Variants in ZWILCH observed in about 807,000 individuals in gnomAD.
ZWILCH encodes the protein protein zwilch homolog.
ZWILCH carries 74 observed loss-of-function variants against 79.9 expected under a neutral mutation model. The ratio of observed to expected loss-of-function variants is 0.93; its 90% CI spans 0.77 to 1.12. ZWILCH has a LOEUF of 1.12. Among genes scored for constraint, ZWILCH ranks in the 50% most tolerant of loss-of-function variants. The pLI, the probability that ZWILCH is intolerant of heterozygous loss-of-function variation, is 0.00. For missense variants in ZWILCH, 694 were observed against 687.5 expected, an observed-to-expected ratio of 1.01 and a Z score of -0.11; for synonymous variants, 241 against 228.2, an observed-to-expected ratio of 1.06 and a Z score of -0.51.
chr15:66,514,309 T>TA, intron 3 of ZWILCH: 3 of 253,020 alleles, frequency 1.2e-5, no homozygotes, highest in Non-Finnish European at 2.2e-5. Context: ...TTCACTTATT[T>TA]CTTTTTTTTT....
At chr15:66,513,537 A>G (rs113271203) in intron 2 of ZWILCH, among the ~76,000 whole-genome samples, 1,959 of 150,350 alleles carry the variant, frequency 0.013, 35 homozygotes, top group African/African-American at 0.045. Context: ...ATGAATAGCC[A>G]TTGCACTCCA....
intron 17 of ZWILCH, among the ~76,000 whole-genome samples, chr15:66,545,670 C>A (rs1029930201): frequency 2.0e-5 from 3 of 152,134 alleles, no homozygotes; most frequent in Non-Finnish European, 4.4e-5. Context: ...CTCTTGTAGC[C>A]ATCATATATT....
chr15:66,540,175 G>A lies in ZWILCH; in HGVS notation c.1652G>A (p.Ser551Asn). 6.2e-7 allele frequency: 1 copy of A among 1,613,372 alleles called. No homozygotes were observed. Among genetic ancestry groups the A allele is most frequent in the African/African-American group, 1.3e-5 (1 of 75,018 alleles). The change falls in exon 17 of 19, where the codon AGC becomes AAC. Residue 551 changes from serine (S) to asparagine (N), a missense_variant. Coordinates refer to ENST00000307897, the MANE Select transcript of ZWILCH (RefSeq NM_017975.5). The stretch of plus-strand genomic sequence containing the variant: ...AAGACAGTTTGGCAACTGAGTGACA[G>A]CTCACCCATAGACCATCTGAATTTT... ...KIKTVWQLSD[S>N]SPIDHLNFHK...
At chr15:66,524,443 C>G (rs1305609714) in intron 8 of ZWILCH, 1 of 152,204 alleles carries the variant, frequency 6.6e-6, no homozygotes, top group East Asian at 1.9e-4. Context: ...GAACCCCCAA[C>G]CCTCATCATA....
chr15:66,510,844 C>T (rs914379732), intron 2 of ZWILCH, among the ~76,000 whole-genome samples: 1 of 152,144 alleles, frequency 6.6e-6, no homozygotes, highest in Admixed American at 6.5e-5. Flanking sequence ...ACGTGGTATT[C>T]CCCCTGCGTG....
rs1187816986 is a variant in ZWILCH at position 66,546,661 on chromosome 15, C to T, written c.1758C>T (p.Ser586=). The change falls in exon 18 of 19, where the codon AGC becomes AGT. Residue 586 remains serine (S), a synonymous_variant. Transcript: ENST00000307897. ...RIFFTNMVTC[S]QVHFK ...TCTTTACTAACATGGTTACCTGCAG[C>T]CAGGTGCATTTCAAGTGAAGTGTGC... 1 of 1,607,378 alleles carries T rather than the reference C, an allele frequency of 6.2e-7. No individual in the cohort carries two copies. Among genetic ancestry groups the T allele is most frequent in the Non-Finnish European group, 8.5e-7 (1 of 1,176,816 alleles).
At chr15:66,537,116 G>T (rs914159188) in intron 15 of ZWILCH, 52 bp from the exon 16 acceptor site, 4 of 1,448,560 alleles carry the variant, frequency 2.8e-6, no homozygotes, top group Non-Finnish European at 3.8e-6. Flanking sequence ...CCAGAAAAAC[G>T]TTATGTCAAA....
At chr15:66,539,469 C>T (rs1895125663) in intron 16 of ZWILCH, among the ~76,000 whole-genome samples, 1 of 151,502 alleles carries the variant, frequency 6.6e-6, no homozygotes, top group Admixed American at 6.6e-5. Flanking sequence ...GAATTTGTCC[C>T]CTTCTCTACA....
chr15:66,532,277 A>G lies in ZWILCH; in HGVS notation c.1186A>G (p.Lys396Glu). ...TAGTGGAAGTAACAGTTTACTAAGT[A>G]AGCTCATTCATCAGTCTTATCATGG... ...LHSGSNSLLSKLIHQSYHGTM... is the reference protein window; with the variant it reads ...LHSGSNSLLSELIHQSYHGTM... The change falls in exon 13 of 19, where the codon AAG (lysine) becomes GAG (glutamate). Residue 396 changes from lysine (K) to glutamate (E), a missense_variant. Transcript: ENST00000307897. The G allele has an allele frequency of 6.2e-7, 1 of 1,603,360 alleles. No homozygotes were observed. Among genetic ancestry groups the G allele is most frequent in the Non-Finnish European group, 8.5e-7 (1 of 1,175,736 alleles).
chr15:66,524,666 A>T (rs1395349390), intron 8 of ZWILCH: 1 of 152,172 alleles, frequency 6.6e-6, no homozygotes, highest in Non-Finnish European at 1.5e-5. Flanking sequence ...TTGTTTACTT[A>T]TCTGTCTCCT....
chr15:66,535,349 G>A (rs1195394573), intron 14 of ZWILCH, among the ~76,000 whole-genome samples: 2 of 152,242 alleles, frequency 1.3e-5, no homozygotes, highest in South Asian at 2.1e-4. Flanking sequence ...CACTACTGGC[G>A]AGAGGGATTT....
At chr15:66,513,449 C>G (rs1283734391) in intron 2 of ZWILCH, among the ~76,000 whole-genome samples, 1 of 151,928 alleles carries the variant, frequency 6.6e-6, no homozygotes, top group East Asian at 2.0e-4. Context: ...ACCTGAAGTT[C>G]CAGCTACTGG....
chr15:66,529,606 T>C (rs1366567407), intron 12 of ZWILCH, 33 bp downstream of exon 12: 3 of 1,518,146 alleles, frequency 2.0e-6, no homozygotes, highest in Non-Finnish European at 1.8e-6. Flanking sequence ...GATCATTTTC[T>C]CAGCAGCATA....
intron 15 of ZWILCH, 61 bp from the exon 16 acceptor site, chr15:66,537,107 C>A (rs1895038317): frequency 7.4e-7 from 1 of 1,352,270 alleles, no homozygotes; most frequent in Non-Finnish European, 1.0e-6. Context: ...TTTAGACTAC[C>A]AGAAAAACGT....
At chr15:66,507,596 C>T (rs34238168) in intron 1 of ZWILCH, among the ~76,000 whole-genome samples, 1,968 of 152,284 alleles carry the variant, frequency 0.013, 35 homozygotes, top group African/African-American at 0.045. Context: ...TGAGCACTTA[C>T]CACCATGGAA....
At chr15:66,547,817 TTCTC>T (rs1239113186) in intron 18 of ZWILCH, 1 of 152,136 alleles carries the variant, frequency 6.6e-6, no homozygotes, top group Non-Finnish European at 1.5e-5. Flanking sequence ...AACGGAGTCT[TTCTC>T]TGTTGCACAG....
At chr15:66,539,326 G>T (rs928868274) in intron 16 of ZWILCH, among the ~76,000 whole-genome samples, 1 of 149,248 alleles carries the variant, frequency 6.7e-6, no homozygotes, top group Non-Finnish European at 1.5e-5. Flanking sequence ...ATTTCCTAAG[G>T]CCTGGAGGTC....
intron 16 of ZWILCH, among the ~76,000 whole-genome samples, chr15:66,538,858 A>G (rs1002498288): frequency 4.6e-5 from 7 of 152,184 alleles, no homozygotes; most frequent in African/African-American, 1.7e-4. Context: ...ACTTTTCACC[A>G]GAACTCTACC....
At chr15:66,538,799 A>G (rs1359115813) in intron 16 of ZWILCH, among the ~76,000 whole-genome samples, 1 of 152,166 alleles carries the variant, frequency 6.6e-6, no homozygotes, top group Admixed American at 6.5e-5. Context: ...TCTCTGGCCC[A>G]TCTGAAAGGC....
Sources: gnomAD v4.1 joint callset for allele counts (sites outside exome capture counted in the v4.1 genomes callset) on GRCh38, gnomAD v4.1.1 for gene constraint, MANE v1.5 for transcripts, NCBI Gene and HGNC (gene_info 2026-07-23, HGNC 2026-07-21) for gene names.